Variants in INSL6 observed in about 807,000 individuals in gnomAD.
The protein encoded by INSL6 is insulin-like peptide INSL6.
INSL6 carries 16 observed loss-of-function variants against 9.4 expected under a neutral mutation model. The observed-to-expected ratio is 1.70, with a 90% CI of 1.15 to 2.59. The LOEUF (loss-of-function observed/expected upper bound fraction) is 2.59, where lower values mean the gene tolerates loss of function less well. INSL6 is among the 30% of genes most tolerant of loss of function. The pLI, the probability that INSL6 is intolerant of heterozygous loss-of-function variation, is 0.00. For missense variants in INSL6, 391 were observed against 257.3 expected (o/e 1.52, Z -3.56); for synonymous variants, 154 against 96.9 (o/e 1.59, Z -3.46).
At chr9:5,128,316 GT>G (rs1824137743) in intron 3 of INSL6, 1 of 222,522 alleles carries the variant, frequency 4.5e-6, no homozygotes, top group Non-Finnish European at 9.0e-6. Context: ...CATTTTAATA[GT>G]TCTGGATGCA....
intron 2 of INSL6, among the ~76,000 whole-genome samples, chr9:5,146,457 C>T (rs532777530): frequency 6.6e-6 from 1 of 152,176 alleles, no homozygotes; most frequent in African/African-American, 2.4e-5. Flanking sequence ...GTGTGCACTG[C>T]TGCACTGGAA....
At chr9:5,178,218 G>A (rs533476849) in intron 1 of INSL6, among the ~76,000 whole-genome samples, 4 of 152,242 alleles carry the variant, frequency 2.6e-5, no homozygotes, top group African/African-American at 7.2e-5. Flanking sequence ...CTCCCTGGGT[G>A]AGACCTCCTT....
At chr9:5,135,946 A>G (rs1477913818) in intron 2 of INSL6, among the ~76,000 whole-genome samples, 1 of 152,232 alleles carries the variant, frequency 6.6e-6, no homozygotes, top group Non-Finnish European at 1.5e-5. Flanking sequence ...AGGGGATATC[A>G]CCATCAATCC....
chr9:5,081,966 T>G, the INSL6 span: 1 of 952,412 alleles, frequency 1.0e-6, no homozygotes, highest in Non-Finnish European at 1.6e-6. Flanking sequence ...GGAGTGCTTG[T>G]AGAAAAAAAA....
downstream of INSL6, among the ~76,000 whole-genome samples, chr9:5,120,562 T>C (rs150041140): frequency 1.2e-3 from 176 of 152,338 alleles, 2 homozygotes; most frequent in African/African-American, 3.9e-3. Flanking sequence ...TGCTTAAATG[T>C]TGTAAAAAAT....
At chr9:5,163,716 T>C, downstream of INSL6, 1 of 537,004 alleles carries the variant, frequency 1.9e-6, no homozygotes. Context: ...TCAAAAAGCG[T>C]ATGAAAACTA....
the INSL6 span, among the ~76,000 whole-genome samples, chr9:5,053,730 A>C: frequency 6.6e-6 from 1 of 151,934 alleles, no homozygotes; most frequent in African/African-American, 2.4e-5. Flanking sequence ...GAGATTTTAC[A>C]TTTTATACGG....
At chr9:5,078,291 G>A in the INSL6 span, 118 of 1,605,288 alleles carry the variant, frequency 7.4e-5, 1 homozygote, top group East Asian at 2.3e-3. Flanking sequence ...ATATATGTGC[G>A]TTTAACTCTA....
At chr9:5,096,500 G>C in the INSL6 span, among the ~76,000 whole-genome samples, 20 of 152,290 alleles carry the variant, frequency 1.3e-4, 1 homozygote, top group African/African-American at 4.3e-4. Flanking sequence ...CTCCATGTGG[G>C]GGGAGGGTGG....
the INSL6 span, among the ~76,000 whole-genome samples, chr9:5,019,971 A>C: frequency 6.6e-6 from 1 of 152,140 alleles, no homozygotes; most frequent in African/African-American, 2.4e-5. Context: ...GGTGGCTTAC[A>C]TTAGTAATGG....
chr9:5,043,831 G>T, the INSL6 span, among the ~76,000 whole-genome samples: 2 of 152,222 alleles, frequency 1.3e-5, no homozygotes, highest in Non-Finnish European at 2.9e-5. Context: ...TATGCTGAGT[G>T]AAAGAAGGCA....
the INSL6 span, among the ~76,000 whole-genome samples, chr9:5,035,511 A>T: frequency 6.6e-6 from 1 of 152,368 alleles, no homozygotes; most frequent in Admixed American, 6.5e-5. Flanking sequence ...CGAATCCAGC[A>T]GCACATCAAA....
chr9:5,113,778 C>A, the INSL6 span: 1 of 165,090 alleles, frequency 6.1e-6, no homozygotes, highest in Non-Finnish European at 1.3e-5. Context: ...GCCTCGGGTG[C>A]GTGGGCCAAA....
At chr9:5,052,049 G>A in the INSL6 span, among the ~76,000 whole-genome samples, 1 of 152,094 alleles carries the variant, frequency 6.6e-6, no homozygotes, top group Non-Finnish European at 1.5e-5. Context: ...CATAGTTGGA[G>A]GAAGAGTATC....
At chr9:5,016,197 G>A in the INSL6 span, among the ~76,000 whole-genome samples, 23 of 152,318 alleles carry the variant, frequency 1.5e-4, no homozygotes, top group South Asian at 2.3e-3. Context: ...AAGATGAGAT[G>A]ACATGATTTA....
At chr9:5,031,870 G>A in the INSL6 span, among the ~76,000 whole-genome samples, 13 of 152,336 alleles carry the variant, frequency 8.5e-5, no homozygotes, top group Admixed American at 5.9e-4. Context: ...TCCAACTGAG[G>A]TGTACCGGGT....
chr9:5,071,211 T>C, the INSL6 span, among the ~76,000 whole-genome samples: 1 of 152,150 alleles, frequency 6.6e-6, no homozygotes, highest in African/African-American at 2.4e-5. Flanking sequence ...CGGAACCACA[T>C]ACTCTTAACC....
At chr9:5,120,987 A>T (rs533361444), downstream of INSL6, among the ~76,000 whole-genome samples, 10 of 152,218 alleles carry the variant, frequency 6.6e-5, no homozygotes, top group Non-Finnish European at 1.0e-4. Flanking sequence ...AGATATGGTT[A>T]TAAATTTGGG....
intron 2 of INSL6, among the ~76,000 whole-genome samples, chr9:5,140,954 A>G (rs999176697): frequency 3.3e-5 from 5 of 152,074 alleles, no homozygotes; most frequent in Non-Finnish European, 7.4e-5. Context: ...AACTGAGAAC[A>G]TGCGGTATAT....
Sources: gnomAD v4.1 joint callset for allele counts (sites outside exome capture counted in the v4.1 genomes callset) on GRCh38, gnomAD v4.1.1 for gene constraint, MANE v1.5 for transcripts, NCBI Gene and HGNC (gene_info 2026-07-23, HGNC 2026-07-21) for gene names.